Variants in YAE1 observed in about 807,000 individuals in gnomAD.
YAE1 encodes YAE1 maturation factor of ABCE1.
Under a neutral mutation model 23.0 loss-of-function variants are expected in YAE1, and 22 were observed. That is an observed-to-expected ratio of 0.96 (90% CI 0.68 to 1.37). The LOEUF (loss-of-function observed/expected upper bound fraction) is 1.37, where lower values mean the gene tolerates loss of function less well. Among genes scored for constraint, YAE1 ranks in the 40% most tolerant of loss-of-function variants. The probability of loss-of-function intolerance (pLI) is 0.00; values close to 1 mark genes in which losing one functional copy is unlikely to be tolerated. For missense variants in YAE1, 260 were observed against 262.1 expected, an observed-to-expected ratio of 0.99 and a Z score of 0.06; for synonymous variants, 101 against 97.0, an observed-to-expected ratio of 1.04 and a Z score of -0.24.
rs1391239157 is a variant in YAE1 at position 39,566,470 on chromosome 7, G to C, written c.52G>C (p.Asp18His). 6.2e-7 allele frequency: 1 copy of C among 1,614,220 alleles called. No homozygotes were observed. The highest frequency in any genetic ancestry group is 1.7e-5 in the Admixed American group (1 of 60,032). Residue 18 changes from aspartate (D) to histidine (H), a missense_variant, in exon 1 of 3, where the codon GAC (aspartate) becomes CAC (histidine). Physicochemically the swap from Asp to His is moderately conservative, Grantham distance 81. Coordinates refer to ENST00000223273, the MANE Select transcript of YAE1 (RefSeq NM_020192.5). The stretch of plus-strand genomic sequence containing the variant: ...GATCCAGGGCCCTGGAGACAAAGGG[G>C]ACGTGTTTGACGAAGAAGCAGACGA... ...SLIQGPGDKG[D>H]VFDEEADESL...
At chr7:39,590,182 A>T (rs1790881750) in intron 2 of YAE1, among the ~76,000 whole-genome samples, 1 of 152,226 alleles carries the variant, frequency 6.6e-6, no homozygotes. Context: ...TTACTAAGCC[A>T]TTGCACTAAA....
intron 2 of YAE1, among the ~76,000 whole-genome samples, chr7:39,605,234 T>A (rs1474834636): frequency 6.6e-6 from 1 of 152,156 alleles, no homozygotes; most frequent in African/African-American, 2.4e-5. Context: ...TACTATGAGG[T>A]AGGTTGTGGT....
At chr7:39,609,465 A>G (rs1184585829) in intron 2 of YAE1, 1 of 976,618 alleles carries the variant, frequency 1.0e-6, no homozygotes, top group Admixed American at 2.8e-5. Context: ...AATTGGGAGA[A>G]TGGGGAAAGT....
chr7:39,610,211 G>GT lies in YAE1; in HGVS notation c.*228dup, dbSNP rs1290647645. ...CCAAACTAGCAGAGCAATACGAGTCGTTTGTGAAATTCACACATGAGCAGA... is the reference window on the plus strand; with the variant it reads ...CCAAACTAGCAGAGCAATACGAGTCGTTTTGTGAAATTCACACATGAGCAGA... On this transcript the variant is annotated 3_prime_UTR_variant, in exon 3 of 3. Coordinates refer to the YAE1 transcript ENST00000432096. 2.0e-5 allele frequency: 12 copies of GT among 613,374 alleles called. No individual in the cohort carries two copies. The Middle Eastern group carries it at 1.5e-3, about 75-fold the overall frequency. The allele number at this position is 613,374 out of a possible 1,614,324, so 38.0% of individuals were successfully genotyped here.
chr7:39,574,485 C>T (rs1221114180), downstream of YAE1, among the ~76,000 whole-genome samples: 3 of 152,068 alleles, frequency 2.0e-5, no homozygotes, highest in Admixed American at 2.0e-4. Flanking sequence ...GTAATCCTAA[C>T]ACTCTGGGAG....
At chr7:39,577,472 G>C (rs1790672081), downstream of YAE1, among the ~76,000 whole-genome samples, 1 of 152,198 alleles carries the variant, frequency 6.6e-6, no homozygotes, top group African/African-American at 2.4e-5. Flanking sequence ...GTGAGCTTCT[G>C]GTGGGAGGTG....
downstream of YAE1, chr7:39,572,974 G>C (rs553426193): frequency 1.1e-6 from 1 of 882,976 alleles, no homozygotes; most frequent in East Asian, 6.5e-5. Context: ...TCAAAATGAA[G>C]TGTTTTCAGA....
chr7:39,603,655 A>C (rs12701751), intron 2 of YAE1, among the ~76,000 whole-genome samples: 6,595 of 152,302 alleles, frequency 0.043, 219 homozygotes, highest in Non-Finnish European at 0.068. Flanking sequence ...AAGAATATCT[A>C]ATGATTCATT....
chr7:39,603,868 C>T (rs1159801023), intron 2 of YAE1, among the ~76,000 whole-genome samples: 1 of 152,144 alleles, frequency 6.6e-6, no homozygotes, highest in Non-Finnish European at 1.5e-5. Context: ...GAAAGTCATT[C>T]TGAGGAAATT....
intron 2 of YAE1, among the ~76,000 whole-genome samples, chr7:39,594,132 T>C (rs1015620422): frequency 1.3e-5 from 2 of 152,228 alleles, no homozygotes; most frequent in Non-Finnish European, 2.9e-5. Flanking sequence ...TGTTGGGCAG[T>C]AGCTGAAATC....
downstream of YAE1, among the ~76,000 whole-genome samples, chr7:39,577,525 G>A (rs892002728): frequency 1.1e-4 from 16 of 152,214 alleles, no homozygotes; most frequent in Admixed American, 1.0e-3. Context: ...CCAGCAGGGA[G>A]GGAGGGGTTT....
downstream of YAE1, among the ~76,000 whole-genome samples, chr7:39,573,158 T>C (rs116971808): frequency 9.7e-4 from 147 of 152,266 alleles, 2 homozygotes; most frequent in East Asian, 0.025. Context: ...GATATGTAGA[T>C]ATATATTGAA....
At position 39,599,065 on chromosome 7, in the gene YAE1, C is replaced by T. The variant is rs1281587870; in HGVS notation, c.252-10552C>T. Among the ~76,000 whole-genome samples, 3 of 151,790 alleles carry T rather than the reference C, an allele frequency of 2.0e-5. No individual in the cohort carries two copies. The East Asian group carries it at 5.8e-4, about 29-fold the overall frequency. ...GACCAGCCTGGCCAACATGGTGAAA[C>T]CCCGTCTCTACTAAAAATACAAAAA... On this transcript the variant is annotated intron_variant, in intron 2 of 2. Coordinates refer to the YAE1 transcript ENST00000432096.
chr7:39,572,814 T>C lies in YAE1; in HGVS notation c.*108T>C, dbSNP rs1390091844. On this transcript the variant is annotated 3_prime_UTR_variant, in exon 3 of 3. Coordinates refer to ENST00000223273, the MANE Select transcript of YAE1 (RefSeq NM_020192.5). ...AAACACCTCAACTGTAGGGTTACCC[T>C]TTATGGAAGTTTGAAATTAACACTA... The C allele has an allele frequency of 7.0e-7, 1 of 1,420,840 alleles. No homozygotes were observed. Among genetic ancestry groups the C allele is most frequent in the African/African-American group, 1.4e-5 (1 of 69,470 alleles). The allele number at this position is 1,420,840 out of a possible 1,614,324, so 88.0% of individuals were successfully genotyped here.
intron 2 of YAE1, among the ~76,000 whole-genome samples, chr7:39,587,038 CTT>C (rs1159955163): frequency 7.5e-6 from 1 of 132,672 alleles, no homozygotes; most frequent in South Asian, 2.5e-4. Context: ...CTTTCTCTTT[CTT>C]TCTTTTCTTT....
chr7:39,566,680 GC>G, intron 1 of YAE1, 133 bp downstream of exon 1: 2 of 1,250,628 alleles, frequency 1.6e-6, no homozygotes, highest in East Asian at 5.3e-5. Flanking sequence ...GGTCCGACCC[GC>G]GTCTTGCTAG....
intron 2 of YAE1, among the ~76,000 whole-genome samples, chr7:39,581,206 A>G (rs1790736967): frequency 6.6e-6 from 1 of 152,238 alleles, no homozygotes; most frequent in Non-Finnish European, 1.5e-5. Context: ...CTCTCATCAA[A>G]TACAACTCTA....
chr7:39,606,103 T>G (rs920449400), intron 2 of YAE1, among the ~76,000 whole-genome samples: 1 of 152,116 alleles, frequency 6.6e-6, no homozygotes, highest in African/African-American at 2.4e-5. Flanking sequence ...CCTACAACTT[T>G]GAAATCTCAT....
At chr7:39,566,711 G>T in intron 1 of YAE1, 164 bp downstream of exon 1, 2 of 1,010,684 alleles carry the variant, frequency 2.0e-6, no homozygotes, top group Non-Finnish European at 1.4e-6. Context: ...ATGGTTACTT[G>T]AAAGCGTGTA....
Sources: allele counts gnomAD v4.1 joint callset (sites outside exome capture counted in the v4.1 genomes callset), GRCh38; gene constraint gnomAD v4.1.1; transcripts MANE v1.5; gene names NCBI Gene and HGNC (gene_info 2026-07-23, HGNC 2026-07-21).